COL4A5: variants seen among roughly 807,000 people sequenced by gnomAD.
COL4A5 encodes the protein collagen alpha-5(IV) chain.
Under a neutral mutation model 130.2 loss-of-function variants are expected in COL4A5, and 26 were observed. The observed-to-expected ratio is 0.20, with a 90% CI of 0.15 to 0.28. The LOEUF (loss-of-function observed/expected upper bound fraction) is 0.28. Ranked by LOEUF, COL4A5 falls within the 10% of genes least tolerant of loss-of-function variation. The pLI, the probability that COL4A5 is intolerant of heterozygous loss-of-function variation, is 1.00. For synonymous variants in COL4A5, 496 were observed against 439.6 expected (o/e 1.13, Z -1.60); for missense variants, 1,131 against 1,344.3 (o/e 0.84, Z 2.48).
At chrX:108,633,078 A>G (rs1449644310) in intron 36 of COL4A5, among the ~76,000 whole-genome samples, 1 of 110,713 alleles carries the variant, frequency 9.0e-6, no homozygotes, top group Non-Finnish European at 1.9e-5. Flanking sequence ...TATTTAGAAA[A>G]CCCCACCGTC....
chrX:108,508,178 A>C (rs1221724287), intron 1 of COL4A5, among the ~76,000 whole-genome samples: 1 of 111,071 alleles, frequency 9.0e-6, no homozygotes, highest in Non-Finnish European at 1.9e-5. Flanking sequence ...CTGATAAACA[A>C]CTTTGGCAAA....
At chrX:108,559,447 A>G (rs1440769831) in intron 3 of COL4A5, among the ~76,000 whole-genome samples, 1 of 112,262 alleles carries the variant, frequency 8.9e-6, no homozygotes, top group Non-Finnish European at 1.9e-5. Flanking sequence ...CTGAATTACC[A>G]GTTGTTAGAG....
intron 1 of COL4A5, among the ~76,000 whole-genome samples, chrX:108,471,262 T>C (rs1291663570): frequency 3.6e-5 from 4 of 112,494 alleles, no homozygotes; most frequent in African/African-American, 1.3e-4. Flanking sequence ...ACGATATTGA[T>C]TCTTCTCATC....
At chrX:108,483,203 ATGTG>A (rs778401670) in intron 1 of COL4A5, among the ~76,000 whole-genome samples, 4 of 99,326 alleles carry the variant, frequency 4.0e-5, no homozygotes, top group African/African-American at 1.1e-4. Flanking sequence ...CTAATAGGAT[ATGTG>A]TGTGTGTGTG....
intron 1 of COL4A5, among the ~76,000 whole-genome samples, chrX:108,478,924 T>C (rs1165661448): frequency 8.9e-6 from 1 of 112,023 alleles, no homozygotes; most frequent in Non-Finnish European, 1.9e-5. Context: ...CCCCGAGGAA[T>C]GGTGCCATAT....
chrX:108,566,739 CG>C (rs981142563), intron 4 of COL4A5, among the ~76,000 whole-genome samples: 26 of 110,296 alleles, frequency 2.4e-4, no homozygotes, highest in South Asian at 4.0e-4. Flanking sequence ...TTATTAGAGA[CG>C]GGGTTTCACT....
At chrX:108,546,609 G>T (rs1436482819) in intron 2 of COL4A5, among the ~76,000 whole-genome samples, 2 of 110,905 alleles carry the variant, frequency 1.8e-5, no homozygotes, top group East Asian at 5.7e-4. Context: ...TTCTCGAGGA[G>T]TATCTTTGTG....
At chrX:108,543,697 G>A (rs755219546) in intron 2 of COL4A5, among the ~76,000 whole-genome samples, 7 of 111,773 alleles carry the variant, frequency 6.3e-5, no homozygotes, top group Admixed American at 2.8e-4. Flanking sequence ...ATTACCTTGG[G>A]CAGTATGGCC....
At chrX:108,543,904 CTGTT>C (rs937976067) in intron 2 of COL4A5, among the ~76,000 whole-genome samples, 40 of 111,670 alleles carry the variant, frequency 3.6e-4, no homozygotes, top group African/African-American at 1.3e-3. Context: ...ATTTGGCTCT[CTGTT>C]TGTCTGTTAC....
intron 1 of COL4A5, among the ~76,000 whole-genome samples, chrX:108,475,267 G>T (rs953030710): frequency 5.4e-5 from 6 of 111,296 alleles, no homozygotes; most frequent in Non-Finnish European, 1.1e-4. Context: ...ACATTTCAGT[G>T]TACCTGTTTT....
rs2064623240 is a variant in COL4A5 at position 108,459,631 on chromosome X, G to GCATATTTAA, written c.81+19426_81+19434dup. Among the ~76,000 whole-genome samples the GCATATTTAA allele has an allele frequency of 2.7e-5, 3 of 112,188 alleles. No individual in the cohort carries two copies. In the South Asian group the frequency reaches 1.1e-3, roughly 41 times the overall value. ...TATATCTGTATCTATCTCTCTGCCT[G>GCATATTTAA]CATATTTAAACCTACAGTATAAGAG... On this transcript the variant is annotated intron_variant, in intron 1 of 52. Transcript: ENST00000328300.
At chrX:108,597,138 A>G in intron 23 of COL4A5, 70 bp downstream of exon 23, 1 of 899,533 alleles carries the variant, frequency 1.1e-6, no homozygotes, top group East Asian at 3.4e-5. Context: ...ATTTTCAATT[A>G]TTCATATATA....
rs2068754902 is a variant in COL4A5, at chrX:108,697,510, A to G, written c.*1132A>G. Reference sequence around the variant, plus strand: ...TGACTTAATGTTTTTTAAACCCACCAATATAAATTTAATTAAAGATATATG... The same window carrying G: ...TGACTTAATGTTTTTTAAACCCACCGATATAAATTTAATTAAAGATATATG... On this transcript the variant is annotated 3_prime_UTR_variant, in exon 53 of 53. Coordinates refer to ENST00000328300, the MANE Select transcript of COL4A5 (RefSeq NM_033380.3). 1 of 111,080 alleles carries G rather than the reference A, an allele frequency of 9.0e-6. No individual in the cohort carries two copies. Among genetic ancestry groups the G allele is most frequent in the African/African-American group, 3.3e-5 (1 of 30,612 alleles). The allele number at this position is 111,080 out of a possible 1,213,427, so 9.2% of individuals were successfully genotyped here.
intron 36 of COL4A5, among the ~76,000 whole-genome samples, chrX:108,633,615 G>C (rs939858217): frequency 9.0e-6 from 1 of 110,617 alleles, no homozygotes. Context: ...ATTTTTAATG[G>C]GTGATAGCAG....
chrX:108,515,110 A>G (rs1252407941), intron 1 of COL4A5, among the ~76,000 whole-genome samples: 1 of 111,754 alleles, frequency 8.9e-6, no homozygotes, highest in Non-Finnish European at 1.9e-5. Flanking sequence ...ATACACTTAC[A>G]TAGTTTTTTA....
At chrX:108,590,907 C>CT in intron 19 of COL4A5, 151 bp from the exon 20 acceptor site, 3 of 512,928 alleles carry the variant, frequency 5.8e-6, no homozygotes, top group Admixed American at 4.0e-5. Flanking sequence ...ACTTTTCAAC[C>CT]TTTTTTTCAG....
intron 31 of COL4A5, among the ~76,000 whole-genome samples, chrX:108,621,365 A>G (rs993940393): frequency 2.8e-5 from 3 of 108,252 alleles, no homozygotes; most frequent in African/African-American, 6.7e-5. Flanking sequence ...GAGTCTCACT[A>G]TGTTGCCCAG....
At chrX:108,508,209 TG>T (rs1221150750) in intron 1 of COL4A5, among the ~76,000 whole-genome samples, 1 of 110,690 alleles carries the variant, frequency 9.0e-6, no homozygotes, top group Non-Finnish European at 1.9e-5. Context: ...ACAAAATCAA[TG>T]CAGAAAATCA....
At chrX:108,641,863 A>G (rs1274858049) in intron 36 of COL4A5, among the ~76,000 whole-genome samples, 1 of 111,723 alleles carries the variant, frequency 9.0e-6, no homozygotes, top group African/African-American at 3.3e-5. Context: ...CTTTGTAACA[A>G]TTTGAACCAG....
Sources: gnomAD v4.1 joint callset for allele counts (sites outside exome capture counted in the v4.1 genomes callset) on GRCh38, gnomAD v4.1.1 for gene constraint, MANE v1.5 for transcripts, NCBI Gene and HGNC (gene_info 2026-07-23, HGNC 2026-07-21) for gene names.